The following ABCB7 variants were observed in gnomAD, a reference collection of about 807,000 sequenced individuals.
ABCB7 encodes ATP binding cassette subfamily B member 7, also known as iron-sulfur clusters transporter ABCB7, mitochondrial.
In ABCB7, 7 loss-of-function variants were observed where a neutral mutation model predicts 54.4. That is an observed-to-expected ratio of 0.13 (90% confidence interval 0.07 to 0.24). ABCB7 has a LOEUF of 0.24. Ranked by LOEUF, ABCB7 falls within the 10% of genes least tolerant of loss-of-function variation. ABCB7 has a pLI of 1.00. For synonymous variants in ABCB7, 218 were observed against 207.1 expected, an observed-to-expected ratio of 1.05 and a Z score of -0.45; for missense variants, 356 against 570.4, an observed-to-expected ratio of 0.62 and a Z score of 3.83.
intron 9 of ABCB7, 67 bp from the exon 10 acceptor site, chrX:75,070,589 G>T: frequency 9.5e-7 from 1 of 1,047,928 alleles, no homozygotes; most frequent in Non-Finnish European, 1.3e-6. Context: ...TTTACGATAG[G>T]TTTATAGTCT....
chrX:75,075,712 T>C, intron 5 of ABCB7, 82 bp from the exon 6 acceptor site: 1 of 944,589 alleles, frequency 1.1e-6, no homozygotes, highest in Non-Finnish European at 1.5e-6. Flanking sequence ...GCTCAGAAAA[T>C]GTTTGTACAA....
rs145438528 is a variant in ABCB7 at position 75,142,609 on chromosome X, T to C, written c.168+13496A>G. On this transcript the variant is annotated intron_variant, in intron 1 of 15. Coordinates refer to ENST00000373394, the MANE Select transcript of ABCB7 (RefSeq NM_001271696.3). ...GTGTTTTTAAATTAGCCTTTCCCCA[T>C]TCATCCACCAGTCCAACATCTACCC... 4.9e-3 allele frequency among the ~76,000 whole-genome samples: 554 copies of C among 112,393 alleles called. 3 individuals carry two copies. The highest frequency in any genetic ancestry group is 7.9e-3 in the Non-Finnish European group (422 of 53,266).
chrX:75,118,633 T>TG (rs749719304), intron 1 of ABCB7, among the ~76,000 whole-genome samples: 4 of 111,498 alleles, frequency 3.6e-5, no homozygotes, highest in Admixed American at 1.9e-4. Context: ...TTTTTACTTT[T>TG]GGGGGGGTGA....
intron 3 of ABCB7, 68 bp from the exon 4 acceptor site, chrX:75,099,129 G>A: frequency 8.3e-6 from 9 of 1,079,093 alleles, no homozygotes; most frequent in Non-Finnish European, 8.9e-6. Context: ...ATTCAATAAC[G>A]TAGAATTTAT....
Position 75,069,450 on chromosome X carries a change from T to G in ABCB7, c.1370A>C (p.Lys457Thr), listed in dbSNP as rs1196799631. The change falls in exon 11 of 16, where the codon AAA (lysine) becomes ACA (threonine). Residue 457 changes from lysine (K) to threonine (T), a missense_variant. This residue lies in a region of ABCB7 where 241 missense variants were observed against 470.9 expected (regional missense o/e 0.51). Coordinates refer to ENST00000373394, the MANE Select transcript of ABCB7 (RefSeq NM_001271696.3). ...LLKVDTQIKD[K>T]VMASPLQITP... is the part of the protein sequence containing the mutation. ...GATCTGAAGGGGAGATGCCATCACT[T>G]TGTCCTAGCAGGGAAGAGAAAAAAA... The G allele has an allele frequency of 8.3e-7, 1 of 1,207,912 alleles. No individual in the cohort carries two copies. The highest frequency in any genetic ancestry group is 1.8e-5 in the African/African-American group (1 of 56,593).
At chrX:75,129,255 A>G (rs993167355) in intron 1 of ABCB7, among the ~76,000 whole-genome samples, 6 of 111,865 alleles carry the variant, frequency 5.4e-5, no homozygotes, top group Middle Eastern at 4.6e-3. Context: ...ACCATGGAAT[A>G]CTATGCAGCC....
intron 1 of ABCB7, among the ~76,000 whole-genome samples, chrX:75,117,392 G>A (rs1030488052): frequency 2.7e-5 from 3 of 110,877 alleles, no homozygotes; most frequent in African/African-American, 9.8e-5. Flanking sequence ...TAGGTCGGGT[G>A]CATATACGCA....
intron 1 of ABCB7, among the ~76,000 whole-genome samples, chrX:75,136,009 C>G (rs1335366909): frequency 9.2e-6 from 1 of 108,597 alleles, no homozygotes; most frequent in Admixed American, 9.8e-5. Context: ...AAAAAAAAGG[C>G]ATCCAAATAG....
At chrX:75,097,740 GCAAA>G (rs2081604122) in intron 4 of ABCB7, among the ~76,000 whole-genome samples, 1 of 111,531 alleles carries the variant, frequency 9.0e-6, no homozygotes, top group African/African-American at 3.3e-5. Flanking sequence ...CTCATTTTAA[GCAAA>G]CACTTTTTAC....
chrX:75,108,486 T>C lies in ABCB7; in HGVS notation c.333+4400A>G, dbSNP rs192948812. On this transcript the variant is annotated intron_variant, in intron 3 of 15. Coordinates refer to ENST00000373394, the MANE Select transcript of ABCB7 (RefSeq NM_001271696.3). Reference sequence around the variant, plus strand: ...TTACAGCCCCATTGCAATGTAAAACTAGTACTCTATTAGTATGAGGAATTA... The same window carrying C: ...TTACAGCCCCATTGCAATGTAAAACCAGTACTCTATTAGTATGAGGAATTA... 7.1e-3 allele frequency among the ~76,000 whole-genome samples: 787 copies of C among 110,168 alleles called. 7 individuals are homozygous for C. The highest frequency in any genetic ancestry group is 0.012 in the Non-Finnish European group (643 of 52,805).
rs764735607 is a variant in ABCB7, at chrX:75,083,648, A to G, written c.454-6994T>C. 1.1e-3 allele frequency among the ~76,000 whole-genome samples: 124 copies of G among 110,312 alleles called. No individual in the cohort carries two copies. The Middle Eastern group carries it at 0.014, about 13-fold the overall frequency. On this transcript the variant is annotated intron_variant, in intron 4 of 15. Coordinates refer to ENST00000373394, the MANE Select transcript of ABCB7 (RefSeq NM_001271696.3). ...CTGGAATAGCTAAAAACAATTTTGA[A>G]AAGAAGGGAAGAAAGTTGGAAGAAT...
intron 1 of ABCB7, among the ~76,000 whole-genome samples, chrX:75,130,115 T>C (rs1398148492): frequency 8.9e-6 from 1 of 112,022 alleles, no homozygotes; most frequent in Non-Finnish European, 1.9e-5. Flanking sequence ...GGGAATTTAC[T>C]AATTGTCATA....
chrX:75,140,305 C>A (rs760224639), intron 1 of ABCB7, among the ~76,000 whole-genome samples: 2 of 110,508 alleles, frequency 1.8e-5, no homozygotes, highest in African/African-American at 3.3e-5. Context: ...GTGGTGCATG[C>A]CTGTAGTTCA....
chrX:75,068,882 C>T, intron 12 of ABCB7, 125 bp downstream of exon 12: 1 of 812,406 alleles, frequency 1.2e-6, no homozygotes, highest in Non-Finnish European at 1.8e-6. Flanking sequence ...CAGAATTTCA[C>T]TGGTAGGGTC....
chrX:75,094,061 A>ATATATATATC (rs2081569414), intron 4 of ABCB7, among the ~76,000 whole-genome samples: 1 of 74,638 alleles, frequency 1.3e-5, no homozygotes, highest in African/African-American at 8.2e-5. Context: ...TATCTATCTT[A>ATATATATATC]TTATTTGTTA....
intron 12 of ABCB7, among the ~76,000 whole-genome samples, chrX:75,066,217 C>T (rs1263437241): frequency 9.0e-6 from 1 of 111,305 alleles, no homozygotes; most frequent in Non-Finnish European, 1.9e-5. Context: ...GGTTGGAAGG[C>T]TATGGTTAGG....
intron 4 of ABCB7, among the ~76,000 whole-genome samples, chrX:75,087,814 A>G (rs1226321532): frequency 8.9e-6 from 1 of 111,989 alleles, no homozygotes; most frequent in African/African-American, 3.2e-5. Context: ...AGACATCTAA[A>G]AGCTAGAGAT....
At chrX:75,118,426 G>A (rs1468095743) in intron 1 of ABCB7, among the ~76,000 whole-genome samples, 1 of 108,306 alleles carries the variant, frequency 9.2e-6, no homozygotes, top group Non-Finnish European at 1.9e-5. Context: ...GAGCACTGTG[G>A]TTAAAAGTCA....
chrX:75,115,193 A>G (rs1261126408), intron 1 of ABCB7, among the ~76,000 whole-genome samples: 4 of 93,808 alleles, frequency 4.3e-5, no homozygotes, highest in African/African-American at 1.2e-4. Flanking sequence ...GCTTCAACCC[A>G]GGAGGTGGAG....
Sources: allele counts gnomAD v4.1 joint callset (sites outside exome capture counted in the v4.1 genomes callset), GRCh38; gene constraint gnomAD v4.1.1; regional missense constraint gnomAD v4.1.1; transcripts MANE v1.5; gene names NCBI Gene and HGNC (gene_info 2026-07-23, HGNC 2026-07-21).